IL34: variants seen among roughly 807,000 people sequenced by gnomAD.
The protein encoded by IL34 is interleukin-34.
A neutral mutation model predicts 25.3 loss-of-function variants in IL34; 17 were observed. The ratio of observed to expected loss-of-function variants is 0.67; its 90% CI spans 0.46 to 1.01. The LOEUF (loss-of-function observed/expected upper bound fraction) is 1.01, where lower values mean the gene tolerates loss of function less well. Ranked by LOEUF, IL34 falls within the 50% of genes least tolerant of loss-of-function variation. IL34 has a pLI of 0.00. For missense variants in IL34, 368 were observed against 312.9 expected, an observed-to-expected ratio of 1.18 and a Z score of -1.33; for synonymous variants, 174 against 140.9, an observed-to-expected ratio of 1.23 and a Z score of -1.66.
intron 1 of IL34, among the ~76,000 whole-genome samples, chr16:70,602,789 T>C (rs2151819319): frequency 6.6e-6 from 1 of 152,246 alleles, no homozygotes. Context: ...ATCCTCCTGC[T>C]TCAGTCTCCC....
chr16:70,599,910 G>A (rs1345860304), intron 1 of IL34, among the ~76,000 whole-genome samples: 1 of 151,908 alleles, frequency 6.6e-6, no homozygotes, highest in East Asian at 1.9e-4. Flanking sequence ...AAGTTCCTGG[G>A]CTCAAGTGAT....
At chr16:70,659,445 C>T (rs1304238229) in intron 4 of IL34, among the ~76,000 whole-genome samples, 173 bp from the exon 5 acceptor site, 1 of 152,204 alleles carries the variant, frequency 6.6e-6, no homozygotes, top group Non-Finnish European at 1.5e-5. Context: ...CTGGGACCCT[C>T]CCCATGCCCA....
At position 70,625,522 on chromosome 16, in the gene IL34, T is replaced by TTG. The variant is rs1406291595; in HGVS notation, c.-400-21025_-400-21024dup. ...AAGGGGTAGAGAGGGAGAGAAGGAG[T>TTG]TGGGGAACTTGCCCCTCCCCCAGAA... On this transcript the variant is annotated intron_variant, in intron 1 of 6. Transcript: ENST00000429149. Among the ~76,000 whole-genome samples, 9 of 149,368 alleles carry TTG rather than the reference T, an allele frequency of 6.0e-5. 1 individual carries two copies. The highest frequency in any genetic ancestry group is 3.0e-5 in the Non-Finnish European group (2 of 67,288).
At position 70,646,819 on chromosome 16, in the gene IL34, C is replaced by T. The variant is rs895846026; in HGVS notation, c.-129C>T. 9 of 896,814 alleles carry T rather than the reference C, an allele frequency of 1.0e-5. No homozygotes were observed. The highest frequency in any genetic ancestry group is 1.4e-5 in the Non-Finnish European group (9 of 622,872). The allele number at this position is 896,814 out of a possible 1,614,324, so 55.6% of individuals were successfully genotyped here. ...CACTCCCGCAGCCCAGCCACTCCTC[C>T]AGGGCCAGCCCTTCCCTGACTGAGT... On this transcript the variant is annotated 5_prime_UTR_variant, in exon 1 of 6. Coordinates refer to ENST00000288098, the MANE Select transcript of IL34 (RefSeq NM_001393494.1).
At chr16:70,617,230 T>C (rs372706534) in intron 1 of IL34, among the ~76,000 whole-genome samples, 6 of 152,154 alleles carry the variant, frequency 3.9e-5, no homozygotes, top group African/African-American at 1.4e-4. Context: ...GTATAAAAGG[T>C]CTAAGAATTG....
At position 70,639,200 on chromosome 16, in the gene IL34, C is replaced by T. The variant is rs115070347; in HGVS notation, c.-400-7348C>T. On this transcript the variant is annotated intron_variant, in intron 1 of 6. Coordinates refer to the IL34 transcript ENST00000429149. The stretch of plus-strand genomic sequence containing the variant: ...TGGCACCCACCAGAAATGTACAGCC[C>T]GGATCCAGGAGTGTATTTGATCAAA... 9.4e-3 allele frequency among the ~76,000 whole-genome samples: 1,427 copies of T among 152,256 alleles called. 27 individuals carry two copies. Among genetic ancestry groups the T allele is most frequent in the African/African-American group, 0.033 (1,357 of 41,530 alleles).
chr16:70,641,531 CCCTCCCTTCCTTCCTT>C (rs1390520394), intron 1 of IL34, among the ~76,000 whole-genome samples: 5 of 143,870 alleles, frequency 3.5e-5, no homozygotes, highest in Non-Finnish European at 7.6e-5. Context: ...CTTCCTCCCT[CCCTCCCTTCCTTCCTT>C]CCTTCCTGCC....
chr16:70,648,482 G>A lies in IL34; in HGVS notation c.28+1507G>A, dbSNP rs150011195. ...GTGGGAGGATCACTTGAGCCCAGGAGGTTGAGGCTGCAGTAGCAAGGATCG... is the reference window on the plus strand; with the variant it reads ...GTGGGAGGATCACTTGAGCCCAGGAAGTTGAGGCTGCAGTAGCAAGGATCG... On this transcript the variant is annotated intron_variant, in intron 1 of 5. Coordinates refer to ENST00000288098, the MANE Select transcript of IL34 (RefSeq NM_001393494.1). Among the ~76,000 whole-genome samples, 375 of 146,482 alleles carry A rather than the reference G, an allele frequency of 2.6e-3. 2 individuals are homozygous for A. The highest frequency in any genetic ancestry group is 0.018 in the Middle Eastern group (5 of 282).
At chr16:70,628,439 C>T (rs149547498) in intron 1 of IL34, among the ~76,000 whole-genome samples, 3 of 151,104 alleles carry the variant, frequency 2.0e-5, no homozygotes, top group Non-Finnish European at 2.9e-5. Context: ...TAAGTGGTCT[C>T]TTTTCTAACT....
intron 1 of IL34, among the ~76,000 whole-genome samples, chr16:70,641,160 G>T (rs1323967777): frequency 6.6e-6 from 1 of 152,102 alleles, no homozygotes; most frequent in African/African-American, 2.4e-5. Context: ...TGTAATCATA[G>T]CTGCTTGGGA....
intron 1 of IL34, among the ~76,000 whole-genome samples, chr16:70,636,710 A>C (rs1372064613): frequency 6.6e-6 from 1 of 151,952 alleles, no homozygotes; most frequent in East Asian, 1.9e-4. Context: ...TCGAGGCTGC[A>C]GTGAGCCTGA....
At chr16:70,581,863 G>T (rs963516813) in intron 1 of IL34, among the ~76,000 whole-genome samples, 1 of 152,162 alleles carries the variant, frequency 6.6e-6, no homozygotes, top group Non-Finnish European at 1.5e-5. Flanking sequence ...TGGGTGGATT[G>T]CTTGAGCCTG....
chr16:70,654,784 C>A, intron 2 of IL34, 113 bp downstream of exon 2: 1 of 1,338,344 alleles, frequency 7.5e-7, no homozygotes, highest in Non-Finnish European at 1.0e-6. Flanking sequence ...CTGAGCCGAC[C>A]ATGGCCTGTT....
chr16:70,580,240 C>G (rs546471536), intron 1 of IL34, among the ~76,000 whole-genome samples: 1 of 152,368 alleles, frequency 6.6e-6, no homozygotes, highest in East Asian at 1.9e-4. Context: ...GCAGAACTGT[C>G]TGCTCTGGGT....
At chr16:70,602,455 C>T (rs540710244) in intron 1 of IL34, among the ~76,000 whole-genome samples, 17 of 152,168 alleles carry the variant, frequency 1.1e-4, no homozygotes, top group African/African-American at 3.9e-4. Flanking sequence ...ATCACTTGAG[C>T]CCTGGAGGTT....
chr16:70,594,935 ATCTCTC>A (rs1195224912), intron 1 of IL34, among the ~76,000 whole-genome samples: 263 of 145,318 alleles, frequency 1.8e-3, no homozygotes, highest in African/African-American at 5.9e-3. Context: ...ATTTCAATTT[ATCTCTC>A]TCTCTCTCTC....
intron 1 of IL34, among the ~76,000 whole-genome samples, chr16:70,589,758 G>A (rs1378684697): frequency 6.6e-6 from 1 of 151,958 alleles, no homozygotes; most frequent in Non-Finnish European, 1.5e-5. Context: ...AAGTAGCTGG[G>A]ATTACAGGTG....
chr16:70,585,675 G>A (rs969213262), intron 1 of IL34, among the ~76,000 whole-genome samples: 13 of 151,138 alleles, frequency 8.6e-5, no homozygotes, highest in African/African-American at 2.7e-4. Context: ...GGTGACAGAG[G>A]GAGACTCTGT....
chr16:70,624,378 T>C (rs2051346155), intron 1 of IL34, among the ~76,000 whole-genome samples: 1 of 152,158 alleles, frequency 6.6e-6, no homozygotes, highest in Non-Finnish European at 1.5e-5. Flanking sequence ...TTTTTTTCTG[T>C]TACTGTACAC....
Sources: allele counts gnomAD v4.1 joint callset (sites outside exome capture counted in the v4.1 genomes callset), GRCh38; gene constraint gnomAD v4.1.1; transcripts MANE v1.5; gene names NCBI Gene and HGNC (gene_info 2026-07-23, HGNC 2026-07-21).